Variants in NPIPB2 observed in about 807,000 individuals in gnomAD.
NPIPB2 encodes nuclear pore complex interacting protein family member B2.
Under a neutral mutation model 30.8 loss-of-function variants are expected in NPIPB2, and 27 were observed. That is an observed-to-expected ratio of 0.88 (90% confidence interval 0.65 to 1.21). The LOEUF (loss-of-function observed/expected upper bound fraction) is 1.21. Ranked by LOEUF, NPIPB2 falls within the 50% of genes most tolerant of loss-of-function variation. The pLI, the probability that NPIPB2 is intolerant of heterozygous loss-of-function variation, is 0.00. For synonymous variants in NPIPB2, 147 were observed against 162.0 expected (o/e 0.91, Z 0.70); for missense variants, 440 against 446.2 (o/e 0.99, Z 0.13).
intron 1 of NPIPB2, among the ~76,000 whole-genome samples, chr16:11,947,326 A>ATT (rs1567471976): frequency 6.8e-4 from 56 of 82,686 alleles, no homozygotes; most frequent in Admixed American, 1.8e-3. Flanking sequence ...ATTTATTTAT[A>ATT]TATATATATA....
chr16:11,959,062 G>T (rs911165011), intron 1 of NPIPB2, among the ~76,000 whole-genome samples: 17 of 152,318 alleles, frequency 1.1e-4, no homozygotes, highest in African/African-American at 4.1e-4. Context: ...AGCATTTGGT[G>T]CTGGGGCTCG....
intron 1 of NPIPB2, among the ~76,000 whole-genome samples, chr16:11,971,146 C>T (rs1422393166): frequency 2.0e-5 from 3 of 151,960 alleles, no homozygotes; most frequent in Non-Finnish European, 4.4e-5. Flanking sequence ...CATAAGCCAC[C>T]ACGCCTGGCC....
chr16:11,930,576 C>T (rs1052415938), intron 4 of NPIPB2, 25 bp from the exon 5 acceptor site: 1 of 1,535,688 alleles, frequency 6.5e-7, no homozygotes, highest in African/African-American at 1.4e-5. Flanking sequence ...GAGAGAAATG[C>T]ACACACATGA....
At chr16:11,937,205 A>G (rs1032045257) in intron 2 of NPIPB2, among the ~76,000 whole-genome samples, 1 of 152,190 alleles carries the variant, frequency 6.6e-6, no homozygotes, top group African/African-American at 2.4e-5. Context: ...CCTTCCACCC[A>G]TACGATAGAA....
At chr16:11,933,011 AG>A (rs1306778628) in intron 4 of NPIPB2, among the ~76,000 whole-genome samples, 4 of 151,164 alleles carry the variant, frequency 2.6e-5, no homozygotes, top group Non-Finnish European at 1.5e-5. Context: ...CTCTAATCCC[AG>A]CACTTTGGGA....
chr16:11,975,530 C>T (rs2055280093), intron 1 of NPIPB2, among the ~76,000 whole-genome samples: 1 of 152,002 alleles, frequency 6.6e-6, no homozygotes, highest in Non-Finnish European at 1.5e-5. Context: ...ACTCCTTAAC[C>T]ACCTGCTCTT....
chr16:11,933,564 G>C (rs1242021505), exon 4 of NPIPB2: 1 of 1,597,016 alleles, frequency 6.3e-7, no homozygotes, highest in South Asian at 1.1e-5. Context: ...CATGATGGTT[G>C]ATTTTCGTTG....
chr16:11,952,776 G>A (rs1040539976), intron 1 of NPIPB2, among the ~76,000 whole-genome samples: 2 of 151,918 alleles, frequency 1.3e-5, no homozygotes, highest in African/African-American at 4.8e-5. Context: ...ATGTTGGCCA[G>A]GCTGGTCTCG....
chr16:11,938,658 T>C (rs1481833998), intron 1 of NPIPB2, among the ~76,000 whole-genome samples: 1 of 151,470 alleles, frequency 6.6e-6, no homozygotes, highest in Non-Finnish European at 1.5e-5. Context: ...TAAGAAAGTT[T>C]ACAAATTTGT....
intron 1 of NPIPB2, chr16:11,965,481 T>C (rs2055186331): frequency 1.2e-6 from 2 of 1,612,050 alleles, no homozygotes; most frequent in Admixed American, 3.3e-5. Context: ...GAACGATTAT[T>C]CATTGGTGTG....
intron 1 of NPIPB2, chr16:11,965,557 C>T (rs1312167737): frequency 8.1e-7 from 1 of 1,235,050 alleles, no homozygotes; most frequent in African/African-American, 1.5e-5. Flanking sequence ...GGTGAGTTTT[C>T]TTGAATCAAA....
chr16:11,944,900 CG>C (rs2054988898), upstream of NPIPB2, among the ~76,000 whole-genome samples: 1 of 150,366 alleles, frequency 6.7e-6, no homozygotes, highest in African/African-American at 2.4e-5. Flanking sequence ...AATAGCCAGC[CG>C]GGCACGGTGG....
At chr16:11,932,134 C>A (rs1290742941) in intron 4 of NPIPB2, among the ~76,000 whole-genome samples, 1 of 150,770 alleles carries the variant, frequency 6.6e-6, no homozygotes, top group African/African-American at 2.5e-5. Flanking sequence ...GCACCGACGA[C>A]CTCAATTGCA....
chr16:11,934,485 A>T (rs2054837788), intron 2 of NPIPB2, among the ~76,000 whole-genome samples: 1 of 150,636 alleles, frequency 6.6e-6, no homozygotes, highest in African/African-American at 2.5e-5. Flanking sequence ...CCCAGCAGGA[A>T]AAGGTTGTGG....
At chr16:11,961,392 T>C (rs754211093) in intron 1 of NPIPB2, among the ~76,000 whole-genome samples, 5 of 152,158 alleles carry the variant, frequency 3.3e-5, no homozygotes, top group Admixed American at 6.6e-5. Context: ...AAATCTTTCC[T>C]AGGCTCAAGT....
upstream of NPIPB2, among the ~76,000 whole-genome samples, chr16:11,944,195 A>G (rs1158658570): frequency 7.0e-6 from 1 of 143,846 alleles, no homozygotes; most frequent in Non-Finnish European, 1.5e-5. Context: ...TTGGAGATGG[A>G]GTCTTGCTCT....
chr16:11,946,900 A>T, upstream of NPIPB2, among the ~76,000 whole-genome samples: 1 of 151,688 alleles, frequency 6.6e-6, no homozygotes, highest in Non-Finnish European at 1.5e-5. Flanking sequence ...TTGTATTTTT[A>T]GTAGAGATGG....
chr16:11,963,582 G>T (rs945802733), intron 1 of NPIPB2, among the ~76,000 whole-genome samples: 2 of 152,024 alleles, frequency 1.3e-5, no homozygotes, highest in Non-Finnish European at 2.9e-5. Flanking sequence ...ATAAACACAG[G>T]TGAAGCCTTT....
At chr16:11,942,682 G>A (rs988160277), upstream of NPIPB2, among the ~76,000 whole-genome samples, 5 of 151,680 alleles carry the variant, frequency 3.3e-5, no homozygotes, top group Non-Finnish European at 7.4e-5. Context: ...TAAGGTATTT[G>A]CCCACAATAC....
Sources: allele counts gnomAD v4.1 joint callset (sites outside exome capture counted in the v4.1 genomes callset), GRCh38; gene constraint gnomAD v4.1.1; transcripts MANE v1.5; gene names NCBI Gene and HGNC (gene_info 2026-07-23, HGNC 2026-07-21).